The following ASIC2 variants were observed in gnomAD, a reference collection of about 807,000 sequenced individuals.
ASIC2 encodes acid sensing ion channel subunit 2.
Under a neutral mutation model 57.3 loss-of-function variants are expected in ASIC2, and 25 were observed. The observed-to-expected ratio is 0.44, with a 90% CI of 0.32 to 0.61. The LOEUF is 0.61. Ranked by LOEUF, ASIC2 falls within the 20% of genes least tolerant of loss-of-function variation. The pLI, the probability that ASIC2 is intolerant of heterozygous loss-of-function variation, is 0.06. For synonymous variants in ASIC2, 319 were observed against 307.5 expected, an observed-to-expected ratio of 1.04 and a Z score of -0.39; for missense variants, 641 against 738.1, an observed-to-expected ratio of 0.87 and a Z score of 1.52.
chr17:33,451,655 T>C (rs1227382081), intron 1 of ASIC2, among the ~76,000 whole-genome samples: 2 of 152,200 alleles, frequency 1.3e-5, no homozygotes, highest in Non-Finnish European at 2.9e-5. Flanking sequence ...GCCCTCTCTT[T>C]CATCCACTTT....
intron 1 of ASIC2, among the ~76,000 whole-genome samples, chr17:33,378,315 G>A (rs1454449038): frequency 6.6e-6 from 1 of 152,188 alleles, no homozygotes; most frequent in African/African-American, 2.4e-5. Context: ...GAAAGGCAGG[G>A]AAGCCCCCTG....
At chr17:33,331,538 A>C (rs1476550438) in intron 1 of ASIC2, among the ~76,000 whole-genome samples, 1 of 152,216 alleles carries the variant, frequency 6.6e-6, no homozygotes, top group Admixed American at 6.5e-5. Flanking sequence ...TTTCTGAAAC[A>C]CTAAAAGCAT....
intron 1 of ASIC2, among the ~76,000 whole-genome samples, chr17:33,589,381 T>C (rs1904753639): frequency 6.6e-6 from 1 of 152,234 alleles, no homozygotes; most frequent in Non-Finnish European, 1.5e-5. Flanking sequence ...ACAAAGTTTA[T>C]TGTTTTAACC....
chr17:33,790,341 A>G (rs189714119), intron 1 of ASIC2, among the ~76,000 whole-genome samples: 1 of 152,320 alleles, frequency 6.6e-6, no homozygotes, highest in Admixed American at 6.5e-5. Context: ...TCTCTAGAAA[A>G]TTGTTATCAC....
chr17:33,080,363 C>G (rs1388842169), intron 3 of ASIC2, among the ~76,000 whole-genome samples: 2 of 152,006 alleles, frequency 1.3e-5, no homozygotes, highest in Non-Finnish European at 2.9e-5. Context: ...TCATGAGCAA[C>G]CTTGACAAAG....
chr17:34,048,620 G>A (rs1416050766), intron 1 of ASIC2, among the ~76,000 whole-genome samples: 1 of 152,148 alleles, frequency 6.6e-6, no homozygotes, highest in Non-Finnish European at 1.5e-5. Context: ...ACAGCTAAAC[G>A]ACCTTGGACA....
chr17:33,152,935 A>G (rs1904858370), intron 1 of ASIC2, among the ~76,000 whole-genome samples: 1 of 152,190 alleles, frequency 6.6e-6, no homozygotes, highest in South Asian at 2.1e-4. Context: ...CCGAGGCCGG[A>G]AGGTAATTCA....
intron 1 of ASIC2, among the ~76,000 whole-genome samples, chr17:33,472,459 T>C (rs1473420672): frequency 1.3e-5 from 2 of 152,186 alleles, no homozygotes; most frequent in Non-Finnish European, 1.5e-5. Flanking sequence ...AGGATGCACA[T>C]GCTGAGAGGT....
intron 1 of ASIC2, among the ~76,000 whole-genome samples, chr17:33,347,992 C>T (rs896398488): frequency 1.3e-5 from 2 of 152,060 alleles, no homozygotes; most frequent in Non-Finnish European, 2.9e-5. Flanking sequence ...GTCCCAGCTA[C>T]TTGGGAGGCT....
chr17:33,556,586 C>A (rs2141980669), intron 1 of ASIC2, among the ~76,000 whole-genome samples: 1 of 152,242 alleles, frequency 6.6e-6, no homozygotes, highest in Admixed American at 6.5e-5. Context: ...TTTTGTGAAG[C>A]ATAATGAAAT....
chr17:33,666,486 A>G (rs1206137735), intron 1 of ASIC2, among the ~76,000 whole-genome samples: 1 of 152,206 alleles, frequency 6.6e-6, no homozygotes, highest in East Asian at 1.9e-4. Flanking sequence ...AAGCCCCCAG[A>G]GGGTGACTCA....
At chr17:33,112,837 G>C (rs570009023) in intron 1 of ASIC2, 8 of 152,238 alleles carry the variant, frequency 5.3e-5, no homozygotes, top group Admixed American at 3.3e-4. Flanking sequence ...AGTCATTCTG[G>C]AATGCAAACC....
chr17:33,552,133 AG>A lies in ASIC2; in HGVS notation c.556-440067del, dbSNP rs145744470. Among the ~76,000 whole-genome samples the A allele has an allele frequency of 5.9e-5, 9 of 152,348 alleles. No homozygotes were observed. In the East Asian group the frequency reaches 1.7e-3, roughly 29 times the overall value. On this transcript the variant is annotated intron_variant, in intron 1 of 9. Coordinates refer to the ASIC2 transcript ENST00000359872. ...GTGCTGTTTTATAAGCAGTGTTTGC[AG>A]AGAGTTAACGAATTTGAAGGGGCCC...
chr17:33,454,408 T>C (rs114188278), intron 1 of ASIC2, among the ~76,000 whole-genome samples: 3 of 152,336 alleles, frequency 2.0e-5, no homozygotes, highest in African/African-American at 7.2e-5. Context: ...AGACAGACTT[T>C]GTGGAGGCAG....
chr17:34,035,686 G>GA (rs1218713511), intron 1 of ASIC2, among the ~76,000 whole-genome samples: 1 of 151,756 alleles, frequency 6.6e-6, no homozygotes, highest in Non-Finnish European at 1.5e-5. Flanking sequence ...AAATTTACAA[G>GA]AAAAAAACAA....
chr17:33,345,836 G>A (rs1057128809), intron 1 of ASIC2, among the ~76,000 whole-genome samples: 8 of 152,130 alleles, frequency 5.3e-5, no homozygotes, highest in African/African-American at 1.9e-4. Flanking sequence ...AGGAATGAAA[G>A]GCACCAAAAA....
intron 1 of ASIC2, among the ~76,000 whole-genome samples, chr17:33,326,995 A>G (rs1056451587): frequency 6.6e-6 from 1 of 152,176 alleles, no homozygotes; most frequent in Non-Finnish European, 1.5e-5. Flanking sequence ...CATTTTCTAT[A>G]TAAGAAAGCC....
chr17:33,433,699 A>G (rs1303921005), intron 1 of ASIC2, among the ~76,000 whole-genome samples: 1 of 152,208 alleles, frequency 6.6e-6, no homozygotes, highest in Non-Finnish European at 1.5e-5. Flanking sequence ...CAGTGAGCGT[A>G]GATCGTGCCA....
At chr17:34,110,640 T>A (rs988948914) in intron 1 of ASIC2, among the ~76,000 whole-genome samples, 2 of 151,998 alleles carry the variant, frequency 1.3e-5, no homozygotes, top group African/African-American at 4.8e-5. Flanking sequence ...TTAGATGACA[T>A]CCTCCTTAAA....
Sources: gnomAD v4.1 joint callset for allele counts (sites outside exome capture counted in the v4.1 genomes callset) on GRCh38, gnomAD v4.1.1 for gene constraint, MANE v1.5 for transcripts, NCBI Gene and HGNC (gene_info 2026-07-23, HGNC 2026-07-21) for gene names.